IDH1: variants seen among roughly 807,000 people sequenced by gnomAD.
IDH1 encodes the protein isocitrate dehydrogenase [NADP] cytoplasmic.
Under a neutral mutation model 46.1 loss-of-function variants are expected in IDH1, and 33 were observed. The observed-to-expected ratio is 0.72, with a 90% CI of 0.54 to 0.96. IDH1 has a LOEUF of 0.96. Among genes scored for constraint, IDH1 ranks in the 40% least tolerant of loss-of-function variants. The pLI is 0.00. For synonymous variants in IDH1, 144 were observed against 172.8 expected, an observed-to-expected ratio of 0.83 and a Z score of 1.31; for missense variants, 421 against 515.7, an observed-to-expected ratio of 0.82 and a Z score of 1.78.
chr2:208,237,188 AAAAG>A lies in IDH1; in HGVS notation c.1155-23_1155-20del. Reference sequence around the variant, plus strand: ...TTGCACACTAACGGGAAGGAAAAAAAAAAGAAAATTTAGTTGGTCTCTGATATGG... The same window carrying A: ...TTGCACACTAACGGGAAGGAAAAAAAAAAATTTAGTTGGTCTCTGATATGG... On this transcript the variant is annotated intron_variant, in intron 9 of 9. Coordinates refer to ENST00000345146, the MANE Select transcript of IDH1 (RefSeq NM_005896.4). 3 of 1,463,622 alleles carry A rather than the reference AAAAG, an allele frequency of 2.0e-6. No individual in the cohort carries two copies. Among genetic ancestry groups the A allele is most frequent in the Non-Finnish European group, 2.9e-6 (3 of 1,046,694 alleles). 90.7% of individuals were successfully genotyped at this position (1,463,622 alleles called of 1,614,324 possible). A position where few individuals can be genotyped will look rare whatever the true frequency, so the allele number is the denominator to read the frequency against.
rs139018716 is a variant in IDH1, at chr2:208,251,575, G to GA, written c.-16-9dup. 0.011 allele frequency: 15,478 copies of GA among 1,462,630 alleles called. 410 individuals carry two copies. The African/African-American group carries it at 0.13, about 13-fold the overall frequency. 90.6% of individuals were successfully genotyped at this position (1,462,630 alleles called of 1,614,324 possible). On this transcript the variant is annotated splice_polypyrimidine_tract_variant and intron_variant, in intron 2 of 9. Transcript: ENST00000345146. ...ATTTTGACTTCAATAAACCTAAAAA[G>GA]AAAAAAAAAATACATGCCTTGTCAT...
chr2:208,245,806 T>C (rs1357877082), intron 4 of IDH1, among the ~76,000 whole-genome samples: 2 of 99,230 alleles, frequency 2.0e-5, no homozygotes, highest in African/African-American at 7.5e-5. Flanking sequence ...AAAAAAACTA[T>C]AGGATGACAG....
intron 7 of IDH1, among the ~76,000 whole-genome samples, chr2:208,240,579 T>A (rs1574402926): frequency 1.3e-5 from 2 of 152,130 alleles, no homozygotes; most frequent in Non-Finnish European, 2.9e-5. Context: ...AGAAGGCAGG[T>A]AAACACAGGA....
At position 208,241,908 on chromosome 2, in the gene IDH1, A is replaced by G; in HGVS notation, c.850+86T>C. 4 of 1,374,634 alleles carry G rather than the reference A, an allele frequency of 2.9e-6. No individual in the cohort carries two copies. The South Asian group carries it at 3.5e-5, about 12-fold the overall frequency. The allele number at this position is 1,374,634 out of a possible 1,614,324, so 85.2% of individuals were successfully genotyped here. On this transcript the variant is annotated intron_variant, in intron 7 of 9. Transcript: ENST00000345146. ...AGGTTTAACATTCCAAGATTTTACA[A>G]CAAAGGACTACAAAACTCCCCTTCC...
At chr2:208,239,683 C>G (rs1687881632) in intron 8 of IDH1, among the ~76,000 whole-genome samples, 180 bp downstream of exon 8, 1 of 152,218 alleles carries the variant, frequency 6.6e-6, no homozygotes, top group Admixed American at 6.5e-5. Flanking sequence ...TGTTCTCCCA[C>G]AAAACAGAAA....
chr2:208,243,591 A>G lies in IDH1; in HGVS notation c.534T>C (p.Val178=), dbSNP rs1687962374. The stretch of plus-strand genomic sequence containing the variant: ...TATCTTGATTATACATCCCCATGGC[A>G]ACACCACCACCTTCTGTAGAGGAGA... ...LVHNFEEGGG[V]AMGMYNQDKS... The change falls in exon 6 of 10, where the codon GTT becomes GTC. Residue 178 remains valine, a synonymous_variant. Coordinates refer to ENST00000345146, the MANE Select transcript of IDH1 (RefSeq NM_005896.4). 6.2e-7 allele frequency: 1 copy of G among 1,613,566 alleles called. No individual in the cohort carries two copies. Among genetic ancestry groups the G allele is most frequent in the African/African-American group, 1.3e-5 (1 of 74,912 alleles).
chr2:208,246,887 G>A (rs1344486418), intron 4 of IDH1, among the ~76,000 whole-genome samples: 1 of 151,976 alleles, frequency 6.6e-6, no homozygotes, highest in Non-Finnish European at 1.5e-5. Flanking sequence ...AGGTTGCAGT[G>A]AGCCAAGATC....
chr2:208,239,302 G>A (rs2124848042), intron 8 of IDH1, 69 bp from the exon 9 acceptor site: 2 of 1,519,100 alleles, frequency 1.3e-6, no homozygotes, highest in Non-Finnish European at 1.8e-6. Context: ...ATGTCTCATA[G>A]TTCCCCAAAA....
chr2:208,241,856 A>G (rs183598176), intron 7 of IDH1, 138 bp downstream of exon 7: 57 of 791,962 alleles, frequency 7.2e-5, no homozygotes, highest in Non-Finnish European at 5.3e-5. Flanking sequence ...TAATTTCCTT[A>G]GCTGTCAGGT....
intron 3 of IDH1, 80 bp from the exon 4 acceptor site, chr2:208,248,740 A>G (rs1688069786): frequency 7.6e-7 from 1 of 1,318,228 alleles, no homozygotes; most frequent in Non-Finnish European, 1.1e-6. Context: ...TGGCATATAG[A>G]GCTCATTATG....
chr2:208,240,165 C>A (rs561114283), intron 7 of IDH1, 162 bp from the exon 8 acceptor site: 2 of 742,126 alleles, frequency 2.7e-6, no homozygotes, highest in Admixed American at 2.0e-5. Context: ...AAGGCAGGAT[C>A]CCCGCTCCAG....
At chr2:208,246,710 G>A (rs968561936) in intron 4 of IDH1, among the ~76,000 whole-genome samples, 2 of 151,496 alleles carry the variant, frequency 1.3e-5, no homozygotes, top group African/African-American at 4.9e-5. Flanking sequence ...AGGCGGAGGC[G>A]GAGGCGGGCG....
Position 208,242,117 on chromosome 2 carries a change from T to C in IDH1, c.727A>G (p.Lys243Glu), listed in dbSNP as rs1005721363. ...ATGAGCCTATGCTCATACCAGATCT[T>C]TTGAGCTTCAAACTGGGACTTGTAC... ...KQYKSQFEAQ[K>E]IWYEHRLIDD... The change falls in exon 7 of 10, where the codon AAG (lysine) becomes GAG (glutamate). Residue 243 changes from lysine to glutamate, a missense_variant. Transcript: ENST00000345146. The C allele has an allele frequency of 6.8e-6, 11 of 1,613,882 alleles. No individual in the cohort carries two copies. The African/African-American group carries it at 1.2e-4, about 18-fold the overall frequency.
At position 208,237,033 on chromosome 2, in the gene IDH1, A is replaced by T. The variant is rs758597026; in HGVS notation, c.*46T>A. ...AACACAGAAAAATGTAAACCTGTAG[A>T]CCTAGTTACCAAAAGACAATTATCC... On this transcript the variant is annotated 3_prime_UTR_variant, in exon 10 of 10. Coordinates refer to ENST00000345146, the MANE Select transcript of IDH1 (RefSeq NM_005896.4). 6.9e-6 allele frequency: 7 copies of T among 1,007,474 alleles called. No homozygotes were observed. The highest frequency in any genetic ancestry group is 1.1e-5 in the Non-Finnish European group (7 of 640,726). 62.4% of individuals were successfully genotyped at this position (1,007,474 alleles called of 1,614,324 possible).
At chr2:208,245,806 T>G (rs1357877082) in intron 4 of IDH1, among the ~76,000 whole-genome samples, 1 of 99,276 alleles carries the variant, frequency 1.0e-5, no homozygotes, top group African/African-American at 3.7e-5. Flanking sequence ...AAAAAAACTA[T>G]AGGATGACAG....
intron 3 of IDH1, among the ~76,000 whole-genome samples, chr2:208,251,107 T>C (rs1474470310): frequency 1.3e-5 from 2 of 152,236 alleles, no homozygotes; most frequent in Non-Finnish European, 2.9e-5. Context: ...ATGTTAAAAT[T>C]AGAAGATTCA....
At chr2:208,252,056 T>A (rs375947736) in intron 2 of IDH1, among the ~76,000 whole-genome samples, 12 of 152,292 alleles carry the variant, frequency 7.9e-5, no homozygotes, top group African/African-American at 2.6e-4. Context: ...GAATGGTGAG[T>A]GCTAGCATTT....
Position 208,253,091 on chromosome 2 carries a change from A to G in IDH1, c.-17+795T>C, listed in dbSNP as rs115451211. ...AATACACTTCCATGGCCATGTCCCT[A>G]TATAGTATGATGCAACAGTCATGAC... On this transcript the variant is annotated intron_variant, in intron 2 of 9. Transcript: ENST00000345146. 8.3e-3 allele frequency among the ~76,000 whole-genome samples: 1,270 copies of G among 152,356 alleles called. 23 individuals are homozygous for G. The highest frequency in any genetic ancestry group is 0.029 in the African/African-American group (1,190 of 41,586).
intron 9 of IDH1, among the ~76,000 whole-genome samples, chr2:208,237,764 CAAAAAA>C (rs11433971): frequency 1.0e-5 from 1 of 97,620 alleles, no homozygotes; most frequent in Non-Finnish European, 2.1e-5. Context: ...ACTAAAAATA[CAAAAAA>C]AAAAAAAAAA....
Sources: allele counts gnomAD v4.1 joint callset (sites outside exome capture counted in the v4.1 genomes callset), GRCh38; gene constraint gnomAD v4.1.1; transcripts MANE v1.5; gene names NCBI Gene and HGNC (gene_info 2026-07-23, HGNC 2026-07-21).